PRKN: variants seen among roughly 807,000 people sequenced by gnomAD.
PRKN encodes the protein parkin RBR E3 ubiquitin protein ligase.
PRKN carries 56 observed loss-of-function variants against 59.5 expected under a neutral mutation model. The observed-to-expected ratio is 0.94, with a 90% CI of 0.76 to 1.18. The LOEUF (loss-of-function observed/expected upper bound fraction) is 1.18. PRKN is among the 50% of genes most tolerant of loss of function. The pLI is 0.00. For missense variants in PRKN, 657 were observed against 596.4 expected (o/e 1.10, Z -1.06); for synonymous variants, 250 against 222.1 (o/e 1.13, Z -1.12).
Position 161,548,710 on chromosome 6 carries a change from T to C in PRKN, c.1083+144A>G. On this transcript the variant is annotated intron_variant, in intron 9 of 11. Transcript: ENST00000366898. This position sits in a 1 kb window ranked among gnomAD's most constrained non-coding sequence, Gnocchi z 4.2. ...AAATCTGGAGTCCTATAAAGGAATTTAAAATCTATTTTCTTATATGTAAGT... is the reference window on the plus strand; with the variant it reads ...AAATCTGGAGTCCTATAAAGGAATTCAAAATCTATTTTCTTATATGTAAGT... 1 of 780,842 alleles carries C rather than the reference T, an allele frequency of 1.3e-6. No individual in the cohort carries two copies. Among genetic ancestry groups the C allele is most frequent in the East Asian group, 2.5e-5 (1 of 39,544 alleles). The allele number at this position is 780,842 out of a possible 1,614,324, so 48.4% of individuals were successfully genotyped here.
chr6:162,036,386 A>T (rs1429987953), intron 5 of PRKN, among the ~76,000 whole-genome samples: 1 of 151,804 alleles, frequency 6.6e-6, no homozygotes, highest in African/African-American at 2.4e-5. Flanking sequence ...TAGTTTAAAT[A>T]ATTTTGTTTT....
rs1416502224 is a variant in PRKN, at chr6:161,440,703, T to C, written c.1084-53826A>G. On this transcript the variant is annotated intron_variant, in intron 9 of 11. Transcript: ENST00000366898. The surrounding 1 kb of genome is among the most constrained non-coding windows in gnomAD (Gnocchi z 4.1). ...CATTCTGAGATTGCTTGGATCTAAA[T>C]TGCCCTTTCCAAACCCAAGAGATAT... is the stretch of plus-strand genomic sequence containing the variant. 6.6e-6 allele frequency among the ~76,000 whole-genome samples: 1 copy of C among 152,180 alleles called. No homozygotes were observed. The highest frequency in any genetic ancestry group is 1.5e-5 in the Non-Finnish European group (1 of 68,030).
intron 6 of PRKN, among the ~76,000 whole-genome samples, chr6:161,844,198 T>G (rs1453260145): frequency 1.3e-5 from 2 of 152,332 alleles, no homozygotes; most frequent in East Asian, 3.9e-4. Flanking sequence ...ATTAAACTTT[T>G]AAAGACTAAA....
intron 5 of PRKN, among the ~76,000 whole-genome samples, chr6:162,012,940 A>G (rs1782791344): frequency 2.0e-5 from 3 of 152,002 alleles, no homozygotes; most frequent in African/African-American, 4.8e-5. Flanking sequence ...CTCCACTGTT[A>G]AGGTTCCTGA....
At chr6:162,142,607 A>G (rs562699163) in intron 4 of PRKN, among the ~76,000 whole-genome samples, 19 of 152,280 alleles carry the variant, frequency 1.2e-4, no homozygotes, top group Admixed American at 5.2e-4. Context: ...CAGACCTCAA[A>G]AGGCACTTAT....
chr6:161,658,384 C>T (rs138495220), intron 7 of PRKN, among the ~76,000 whole-genome samples: 2 of 152,218 alleles, frequency 1.3e-5, no homozygotes, highest in Non-Finnish European at 2.9e-5. Context: ...ACAATTACCC[C>T]CTCTCAGTCC....
In PRKN at chr6:161,468,477, C is replaced by G. The variant is rs1266895246; in HGVS notation, c.1083+80377G>C. Among the ~76,000 whole-genome samples, 1 of 152,214 alleles carries G rather than the reference C, an allele frequency of 6.6e-6. No individual in the cohort carries two copies. The highest frequency in any genetic ancestry group is 2.4e-5 in the African/African-American group (1 of 41,454). On this transcript the variant is annotated intron_variant, in intron 9 of 11. Transcript: ENST00000366898. The surrounding 1 kb of genome is among the most constrained non-coding windows in gnomAD (Gnocchi z 5.9). The stretch of plus-strand genomic sequence containing the variant: ...ATGGCAAGGGGGTACTTCAGCCTGA[C>G]TCCATTTTTGCCTCACTCCCCATTT...
chr6:161,756,596 C>T (rs1788937086), intron 7 of PRKN, among the ~76,000 whole-genome samples: 1 of 151,722 alleles, frequency 6.6e-6, no homozygotes, highest in African/African-American at 2.4e-5. Flanking sequence ...TCTCTCTCTC[C>T]CCCTACCTCC....
chr6:161,784,162 T>A (rs1424584956), intron 7 of PRKN, among the ~76,000 whole-genome samples: 1 of 152,180 alleles, frequency 6.6e-6, no homozygotes, highest in East Asian at 1.9e-4. Flanking sequence ...TCAAACTAGA[T>A]TAATGACCTA....
At chr6:161,710,762 T>C (rs1430823827) in intron 7 of PRKN, among the ~76,000 whole-genome samples, 1 of 152,134 alleles carries the variant, frequency 6.6e-6, no homozygotes, top group African/African-American at 2.4e-5. Context: ...ATCTTGAATG[T>C]GCCTGCCTGC....
At chr6:161,800,331 T>A (rs1461487099) in intron 6 of PRKN, among the ~76,000 whole-genome samples, 1 of 152,206 alleles carries the variant, frequency 6.6e-6, no homozygotes, top group Non-Finnish European at 1.5e-5. Flanking sequence ...TCTCGCTTTT[T>A]AGGAAATCTC....
chr6:162,070,557 G>C (rs1007924370), intron 4 of PRKN, among the ~76,000 whole-genome samples: 13 of 152,064 alleles, frequency 8.5e-5, no homozygotes, highest in African/African-American at 2.9e-4. Context: ...TTCTTAACAA[G>C]GGGGTGCCCT....
Position 161,409,675 on chromosome 6 carries a change from A to G in PRKN, c.1084-22798T>C, listed in dbSNP as rs1787434592. ...TTTGCAATAAACAGCAATCCATGGA[A>G]TAAGAATTTAAGACCCAATTTGAGG... On this transcript the variant is annotated intron_variant, in intron 9 of 11. Coordinates refer to ENST00000366898, the MANE Select transcript of PRKN (RefSeq NM_004562.3). The surrounding 1 kb of genome is among the most constrained non-coding windows in gnomAD (Gnocchi z 4.6). Among the ~76,000 whole-genome samples, 1 of 152,174 alleles carries G rather than the reference A, an allele frequency of 6.6e-6. No individual in the cohort carries two copies. Among genetic ancestry groups the G allele is most frequent in the African/African-American group, 2.4e-5 (1 of 41,424 alleles).
chr6:161,751,261 T>C (rs1384936864), intron 7 of PRKN, among the ~76,000 whole-genome samples: 1 of 152,244 alleles, frequency 6.6e-6, no homozygotes, highest in Non-Finnish European at 1.5e-5. Flanking sequence ...TCTCTCTGTG[T>C]GTAGAACATC....
chr6:162,558,498 T>C (rs1779705038), intron 1 of PRKN, among the ~76,000 whole-genome samples: 1 of 151,826 alleles, frequency 6.6e-6, no homozygotes, highest in South Asian at 2.1e-4. Context: ...CCTGGCTAAT[T>C]TTGTATTTTT....
Position 162,653,151 on chromosome 6 carries a change from G to A in PRKN, c.7+74511C>T, listed in dbSNP as rs1006768349. Among the ~76,000 whole-genome samples, 36 of 152,138 alleles carry A rather than the reference G, an allele frequency of 2.4e-4. 1 individual carries two copies. Among genetic ancestry groups the A allele is most frequent in the African/African-American group, 8.0e-4 (33 of 41,428 alleles). On this transcript the variant is annotated intron_variant, in intron 1 of 11. Coordinates refer to ENST00000366898, the MANE Select transcript of PRKN (RefSeq NM_004562.3). ...ACTGAGTTTAAAAGATTTAAAAATC[G>A]ATGATTGCATTGTTTTTGGATTCAG... is the stretch of plus-strand genomic sequence containing the variant.
At position 162,468,646 on chromosome 6, in the gene PRKN, T is replaced by C. The variant is rs560921889; in HGVS notation, c.8-25173A>G. On this transcript the variant is annotated intron_variant, in intron 1 of 11. Coordinates refer to ENST00000366898, the MANE Select transcript of PRKN (RefSeq NM_004562.3). ...AGAGAGTGGTTAGATGAAGACAGCT[T>C]AAGCATGTTCAACAGCTCTTTCAAT... is the stretch of plus-strand genomic sequence containing the variant. 7.9e-5 allele frequency among the ~76,000 whole-genome samples: 12 copies of C among 152,328 alleles called. No homozygotes were observed. In the South Asian group the frequency reaches 2.5e-3, roughly 32 times the overall value.
At chr6:161,477,510 CA>C (rs55713712) in intron 9 of PRKN, among the ~76,000 whole-genome samples, 2,530 of 124,258 alleles carry the variant, frequency 0.02, 51 homozygotes, top group African/African-American at 0.061. Flanking sequence ...AACTCCATCT[CA>C]AAAAAAAAAA....
Position 161,350,026 on chromosome 6 carries a change from AG to A in PRKN, c.*72del. The A allele has an allele frequency of 1.0e-6, 1 of 994,268 alleles. No homozygotes were observed. The highest frequency in any genetic ancestry group is 2.5e-5 in the East Asian group (1 of 39,572). The allele number at this position is 994,268 out of a possible 1,614,324, so 61.6% of individuals were successfully genotyped here. A position where few individuals can be genotyped will look rare whatever the true frequency, so the allele number is the denominator to read the frequency against. ...CGCGTGTGTGTGTGTGTTTGAAAAG[AG>A]AATTAGAAAATGAAGGTAGACACTG... On this transcript the variant is annotated 3_prime_UTR_variant, in exon 12 of 12. Coordinates refer to ENST00000366898, the MANE Select transcript of PRKN (RefSeq NM_004562.3).
Sources: gnomAD v4.1 joint callset for allele counts (sites outside exome capture counted in the v4.1 genomes callset) on GRCh38, gnomAD v4.1.1 for gene constraint, Gnocchi (gnomAD v3.1) non-coding constraint, MANE v1.5 for transcripts, NCBI Gene and HGNC (gene_info 2026-07-23, HGNC 2026-07-21) for gene names.